MEOX2: variants seen among roughly 807,000 people sequenced by gnomAD.
MEOX2 encodes the protein mesenchyme homeobox 2.
MEOX2 carries 11 observed loss-of-function variants against 27.0 expected under a neutral mutation model. The observed-to-expected ratio is 0.41, with a 90% confidence interval of 0.26 to 0.68. MEOX2 has a LOEUF of 0.68. Ranked by LOEUF, MEOX2 falls within the 30% of genes least tolerant of loss-of-function variation. The probability of loss-of-function intolerance (pLI) is 0.33; values close to 1 mark genes in which losing one functional copy is unlikely to be tolerated. For missense variants in MEOX2, 436 were observed against 385.4 expected (o/e 1.13, Z -1.10); for synonymous variants, 189 against 155.4 (o/e 1.22, Z -1.61).
chr7:15,675,575 G>A (rs1782179644), intron 1 of MEOX2, among the ~76,000 whole-genome samples: 1 of 152,196 alleles, frequency 6.6e-6, no homozygotes, highest in African/African-American at 2.4e-5. Context: ...TTGGCTGAAT[G>A]GACAGACATT....
intron 1 of MEOX2, among the ~76,000 whole-genome samples, chr7:15,641,303 G>T (rs1414103221): frequency 3.3e-5 from 5 of 152,132 alleles, no homozygotes; most frequent in Admixed American, 3.3e-4. Context: ...GTTTAGGGTA[G>T]TTAAATCTTA....
At chr7:15,670,273 T>C (rs569201605) in intron 1 of MEOX2, among the ~76,000 whole-genome samples, 3 of 152,374 alleles carry the variant, frequency 2.0e-5, no homozygotes, top group African/African-American at 7.2e-5. Context: ...CATTTTATTT[T>C]CATAAATATT....
In MEOX2 at chr7:15,685,942, A is replaced by G; in HGVS notation, c.461T>C (p.Leu154Pro). ...CAPGDYGRQA[L>P]SPAEAEKRSG... Reference sequence around the variant, plus strand: ...TCGCTTCTCCGCCTCCGCAGGTGACAGTGCCTGGCGGCCGTAGTCCCCCGG... The same window carrying G: ...TCGCTTCTCCGCCTCCGCAGGTGACGGTGCCTGGCGGCCGTAGTCCCCCGG... The change falls in exon 1 of 3, where the codon CTG (leucine) becomes CCG (proline). Residue 154 changes from leucine (L) to proline (P), a missense_variant. Coordinates refer to ENST00000262041, the MANE Select transcript of MEOX2 (RefSeq NM_005924.5). 6.2e-7 allele frequency: 1 copy of G among 1,611,560 alleles called. No individual in the cohort carries two copies. The highest frequency in any genetic ancestry group is 8.5e-7 in the Non-Finnish European group (1 of 1,179,464).
chr7:15,648,482 T>G (rs1330521992), intron 1 of MEOX2, among the ~76,000 whole-genome samples: 1 of 152,074 alleles, frequency 6.6e-6, no homozygotes, highest in East Asian at 1.9e-4. Context: ...TTTTGGAAAC[T>G]GTATAATCAC....
chr7:15,672,689 A>C (rs181391806), intron 1 of MEOX2, among the ~76,000 whole-genome samples: 1 of 152,088 alleles, frequency 6.6e-6, no homozygotes, highest in Non-Finnish European at 1.5e-5. Flanking sequence ...TCAGGAGATC[A>C]AGACCATCCT....
intron 1 of MEOX2, among the ~76,000 whole-genome samples, chr7:15,660,961 C>T (rs772243668): frequency 8.1e-6 from 1 of 123,484 alleles, no homozygotes; most frequent in Non-Finnish European, 1.6e-5. Flanking sequence ...TGCAGTGAGC[C>T]GAGATCATGC....
At position 15,685,961 on chromosome 7, in the gene MEOX2, C is replaced by G; in HGVS notation, c.442G>C (p.Asp148His). ...TPTGAACAPG[D>H]YGRQALSPAE... Reference sequence around the variant, plus strand: ...GGTGACAGTGCCTGGCGGCCGTAGTCCCCCGGCGCGCACGCGGCCCCAGTC... The same window carrying G: ...GGTGACAGTGCCTGGCGGCCGTAGTGCCCCGGCGCGCACGCGGCCCCAGTC... Residue 148 changes from aspartate (D) to histidine (H), a missense_variant, in exon 1 of 3, where the codon GAC (aspartate) becomes CAC (histidine). Transcript: ENST00000262041. 6.2e-7 allele frequency: 1 copy of G among 1,611,158 alleles called. No homozygotes were observed. The highest frequency in any genetic ancestry group is 1.1e-5 in the South Asian group (1 of 91,006).
intron 1 of MEOX2, among the ~76,000 whole-genome samples, chr7:15,673,279 C>G (rs1279456939): frequency 6.6e-6 from 1 of 152,068 alleles, no homozygotes; most frequent in East Asian, 1.9e-4. Flanking sequence ...GTCTTCTGCA[C>G]TTTATAGATA....
intron 1 of MEOX2, among the ~76,000 whole-genome samples, chr7:15,649,259 T>C (rs1007243167): frequency 6.6e-5 from 10 of 152,080 alleles, no homozygotes; most frequent in Admixed American, 6.6e-4. Context: ...TTTTAATAAC[T>C]AGGAAACAAA....
At chr7:15,617,703 A>T (rs1486480454) in intron 2 of MEOX2, among the ~76,000 whole-genome samples, 3 of 151,962 alleles carry the variant, frequency 2.0e-5, no homozygotes, top group East Asian at 1.9e-4. Context: ...GATATACTTC[A>T]TAACTGAAGG....
At chr7:15,652,082 A>C (rs1330509787) in intron 1 of MEOX2, among the ~76,000 whole-genome samples, 2 of 152,072 alleles carry the variant, frequency 1.3e-5, no homozygotes, top group Non-Finnish European at 2.9e-5. Context: ...TAATCTTTTA[A>C]GATAATAGGG....
chr7:15,619,331 A>G (rs1247524909), intron 2 of MEOX2, among the ~76,000 whole-genome samples: 3 of 152,022 alleles, frequency 2.0e-5, no homozygotes, highest in Non-Finnish European at 4.4e-5. Context: ...TTTCTTTAGC[A>G]GTACACTCTA....
intron 1 of MEOX2, among the ~76,000 whole-genome samples, chr7:15,650,817 A>G (rs1424910417): frequency 6.6e-6 from 1 of 152,090 alleles, no homozygotes. Context: ...TTCCACAGTG[A>G]TTTAAAAAGA....
In MEOX2 at chr7:15,686,432, G is replaced by A; in HGVS notation, c.-30C>T. 3 of 1,541,506 alleles carry A rather than the reference G, an allele frequency of 1.9e-6. No homozygotes were observed. The highest frequency in any genetic ancestry group is 3.4e-4 in the Middle Eastern group (2 of 5,896). ...TGCAAGTTTCGGGTTCCAGGCAGAAGACTTCACGGCGGTTCCAAAGGCCAC... is the reference window on the plus strand; with the variant it reads ...TGCAAGTTTCGGGTTCCAGGCAGAAAACTTCACGGCGGTTCCAAAGGCCAC... On this transcript the variant is annotated 5_prime_UTR_variant, in exon 1 of 3. Coordinates refer to ENST00000262041, the MANE Select transcript of MEOX2 (RefSeq NM_005924.5).
At chr7:15,631,060 C>T (rs1010028620) in intron 1 of MEOX2, among the ~76,000 whole-genome samples, 3 of 151,894 alleles carry the variant, frequency 2.0e-5, no homozygotes, top group African/African-American at 7.2e-5. Context: ...TTGGATCGAG[C>T]ACCACTATGT....
intron 1 of MEOX2, 48 bp downstream of exon 1, chr7:15,685,838 C>G: frequency 6.5e-7 from 1 of 1,540,308 alleles, no homozygotes; most frequent in Non-Finnish European, 8.7e-7. Flanking sequence ...CTCTCCGCCC[C>G]TTTTCCAGCC....
At chr7:15,619,169 A>G (rs1471819630) in intron 2 of MEOX2, among the ~76,000 whole-genome samples, 1 of 152,030 alleles carries the variant, frequency 6.6e-6, no homozygotes, top group Non-Finnish European at 1.5e-5. Flanking sequence ...TTTTCTTAAA[A>G]TTGACAATGC....
intron 2 of MEOX2, among the ~76,000 whole-genome samples, chr7:15,619,590 G>A (rs1242054727): frequency 1.3e-5 from 2 of 151,852 alleles, no homozygotes; most frequent in African/African-American, 4.8e-5. Flanking sequence ...TTATTTGTGT[G>A]TGTGTGTATA....
chr7:15,642,340 CTGAGA>C (rs1035385490), intron 1 of MEOX2, among the ~76,000 whole-genome samples: 1 of 152,054 alleles, frequency 6.6e-6, no homozygotes, highest in Non-Finnish European at 1.5e-5. Flanking sequence ...TTTTGTCTGA[CTGAGA>C]TAATTCAAAA....
Sources: gnomAD v4.1 joint callset for allele counts (sites outside exome capture counted in the v4.1 genomes callset) on GRCh38, gnomAD v4.1.1 for gene constraint, MANE v1.5 for transcripts, NCBI Gene and HGNC (gene_info 2026-07-23, HGNC 2026-07-21) for gene names.